DOCK5: variants seen among roughly 807,000 people sequenced by gnomAD.
DOCK5 encodes the protein dedicator of cytokinesis 5, also known as dedicator of cytokinesis protein 5.
A neutral mutation model predicts 251.8 loss-of-function variants in DOCK5; 142 were observed. That is an observed-to-expected ratio of 0.56 (90% CI 0.49 to 0.65). The LOEUF is 0.65. Ranked by LOEUF, DOCK5 falls within the 30% of genes least tolerant of loss-of-function variation. The pLI is 0.00. For missense variants in DOCK5, 2,111 were observed against 2,312.3 expected, an observed-to-expected ratio of 0.91 and a Z score of 1.79; for synonymous variants, 842 against 835.5, an observed-to-expected ratio of 1.01 and a Z score of -0.13.
intron 1 of DOCK5, among the ~76,000 whole-genome samples, chr8:25,231,437 A>G (rs1802666274): frequency 6.6e-6 from 1 of 152,166 alleles, no homozygotes; most frequent in South Asian, 2.1e-4. Context: ...ACTTCGTGGG[A>G]AGAAATGCAC....
chr8:25,191,174 T>C (rs1039374783), intron 1 of DOCK5, among the ~76,000 whole-genome samples: 1 of 150,504 alleles, frequency 6.6e-6, no homozygotes, highest in Admixed American at 6.7e-5. Flanking sequence ...ATGGGGGGGG[T>C]CCATGAAATT....
At chr8:25,325,574 A>G in intron 18 of DOCK5, 27 bp downstream of exon 18, 1 of 1,607,728 alleles carries the variant, frequency 6.2e-7, no homozygotes, top group Non-Finnish European at 8.5e-7. Flanking sequence ...CACTGACACA[A>G]ATAAGCTTCT....
At chr8:25,231,183 A>G (rs1051804133) in intron 1 of DOCK5, among the ~76,000 whole-genome samples, 1 of 151,772 alleles carries the variant, frequency 6.6e-6, no homozygotes, top group Admixed American at 6.6e-5. Flanking sequence ...TTTTTCTATA[A>G]TTTTTCAATT....
Position 25,414,753 on chromosome 8 carries a change from A to C in DOCK5, c.*3455A>C, listed in dbSNP as rs1012066181. 1 of 152,064 alleles carries C rather than the reference A, an allele frequency of 6.6e-6. No homozygotes were observed. Among genetic ancestry groups the C allele is most frequent in the Non-Finnish European group, 1.5e-5 (1 of 68,030 alleles). The allele number at this position is 152,064 out of a possible 1,614,324, so 9.4% of individuals were successfully genotyped here. On this transcript the variant is annotated 3_prime_UTR_variant, in exon 52 of 52. Transcript: ENST00000276440. The stretch of plus-strand genomic sequence containing the variant: ...ACATGCCCATGGTGCCATTTTGTGA[A>C]AGGTATTTATAAGGCCCTTCAAATT...
intron 31 of DOCK5, 65 bp from the exon 32 acceptor site, chr8:25,368,127 T>G: frequency 1.6e-6 from 2 of 1,281,012 alleles, no homozygotes; most frequent in East Asian, 4.8e-5. Context: ...ACTTTCCTTC[T>G]TATTGTGTTT....
intron 1 of DOCK5, among the ~76,000 whole-genome samples, chr8:25,223,497 T>C (rs2117503681): frequency 6.6e-6 from 1 of 152,304 alleles, no homozygotes. Flanking sequence ...AAATTATTTG[T>C]AGAGATGAGG....
intron 40 of DOCK5, among the ~76,000 whole-genome samples, chr8:25,386,226 G>C (rs1470151356): frequency 6.6e-6 from 1 of 152,176 alleles, no homozygotes; most frequent in Non-Finnish European, 1.5e-5. Flanking sequence ...TGAGTTACTT[G>C]TATGGAGTTA....
chr8:25,364,719 C>T lies in DOCK5; in HGVS notation c.3123+15C>T. ...TTGAACTTCAGGTAGGCATGTGACT[C>T]ACCTACCTGCTTCTAGAATTCTTGG... On this transcript the variant is annotated intron_variant, in intron 30 of 51. Coordinates refer to ENST00000276440, the MANE Select transcript of DOCK5 (RefSeq NM_024940.8). 1 of 1,558,446 alleles carries T rather than the reference C, an allele frequency of 6.4e-7. No individual in the cohort carries two copies. The highest frequency in any genetic ancestry group is 8.7e-7 in the Non-Finnish European group (1 of 1,142,906).
At chr8:25,385,507 G>A (rs1171223165) in intron 40 of DOCK5, among the ~76,000 whole-genome samples, 1 of 152,094 alleles carries the variant, frequency 6.6e-6, no homozygotes, top group African/African-American at 2.4e-5. Flanking sequence ...CATTGGAGGG[G>A]GTAGTTGAAC....
intron 1 of DOCK5, among the ~76,000 whole-genome samples, chr8:25,222,898 C>T (rs1009544263): frequency 3.3e-5 from 5 of 152,194 alleles, no homozygotes; most frequent in Admixed American, 1.3e-4. Context: ...GCAGCTACGT[C>T]GCCAGCAGAT....
At chr8:25,318,750 T>G (rs1475978972) in intron 14 of DOCK5, among the ~76,000 whole-genome samples, 1 of 151,996 alleles carries the variant, frequency 6.6e-6, no homozygotes, top group Non-Finnish European at 1.5e-5. Context: ...CTCCACCTCT[T>G]CTCGTATGAG....
chr8:25,374,584 A>G lies in DOCK5; in HGVS notation c.3746A>G (p.Asp1249Gly). The change falls in exon 37 of 52, where the codon GAT becomes GGT. Residue 1249 changes from aspartate to glycine, a missense_variant. Transcript: ENST00000276440. ...GCCAGATATCTGTACAAGCTTCGAG[A>G]TTTGCACCGAGACTGTGAGAACTAC... ...IYIRYLYKLR[D>G]LHRDCENYTE... 6.2e-7 allele frequency: 1 copy of G among 1,609,848 alleles called. No individual in the cohort carries two copies. Among genetic ancestry groups the G allele is most frequent in the East Asian group, 2.2e-5 (1 of 44,840 alleles).
At chr8:25,291,632 G>A (rs1380662251) in intron 5 of DOCK5, among the ~76,000 whole-genome samples, 1 of 148,334 alleles carries the variant, frequency 6.7e-6, no homozygotes, top group South Asian at 2.1e-4. Flanking sequence ...ACAGTTAGCC[G>A]AGTTTGTGCC....
intron 33 of DOCK5, 138 bp downstream of exon 33, chr8:25,368,863 T>A: frequency 9.4e-7 from 1 of 1,068,386 alleles, no homozygotes; most frequent in Non-Finnish European, 1.3e-6. Context: ...CATTTCATTT[T>A]ATAAAGCAAT....
intron 22 of DOCK5, 41 bp from the exon 23 acceptor site, chr8:25,340,836 A>G (rs758996746): frequency 3.9e-5 from 60 of 1,542,650 alleles, no homozygotes; most frequent in Non-Finnish European, 5.1e-5. Flanking sequence ...ATTTCTTTTA[A>G]CAATGGAAAG....
intron 16 of DOCK5, among the ~76,000 whole-genome samples, chr8:25,323,631 G>A (rs1805484032): frequency 1.3e-5 from 2 of 152,178 alleles, no homozygotes; most frequent in Admixed American, 1.3e-4. Flanking sequence ...GCAGATGCTA[G>A]TCTCATTTAT....
At chr8:25,371,591 C>G (rs999797330) in intron 34 of DOCK5, among the ~76,000 whole-genome samples, 1 of 152,234 alleles carries the variant, frequency 6.6e-6, no homozygotes, top group Non-Finnish European at 1.5e-5. Context: ...TATCCTGTTT[C>G]CATTAAGTCT....
rs1192554599 is a variant in DOCK5 at position 25,352,029 on chromosome 8, T to C, written c.2850+203T>C. Among the ~76,000 whole-genome samples, 7 of 151,898 alleles carry C rather than the reference T, an allele frequency of 4.6e-5. No individual in the cohort carries two copies. The East Asian group carries it at 1.4e-3, about 29-fold the overall frequency. On this transcript the variant is annotated intron_variant, in intron 27 of 51. Transcript: ENST00000276440. ...AAATAATCCAGCCTAGGCAATATAG[T>C]GAGACCCCATCCCTACAAAAAATTT...
intron 5 of DOCK5, among the ~76,000 whole-genome samples, chr8:25,286,235 T>C (rs569172336): frequency 4.6e-5 from 7 of 152,188 alleles, no homozygotes; most frequent in African/African-American, 1.7e-4. Context: ...ATGAGATTGA[T>C]TGCAATGAGC....
Sources: allele counts gnomAD v4.1 joint callset (sites outside exome capture counted in the v4.1 genomes callset), GRCh38; gene constraint gnomAD v4.1.1; transcripts MANE v1.5; gene names NCBI Gene and HGNC (gene_info 2026-07-23, HGNC 2026-07-21).